CCNH: variants seen among roughly 807,000 people sequenced by gnomAD.
CCNH encodes the protein cyclin H.
In CCNH, 31 loss-of-function variants were observed where a neutral mutation model predicts 41.9. That is an observed-to-expected ratio of 0.74 (90% CI 0.56 to 1.00). CCNH has a LOEUF of 1.00. CCNH is among the 50% of genes least tolerant of loss of function. CCNH has a pLI of 0.00. For missense variants in CCNH, 362 were observed against 388.4 expected (o/e 0.93, Z 0.57); for synonymous variants, 138 against 136.1 (o/e 1.01, Z -0.10).
At chr5:87,331,003 C>T (rs923919154) in intron 9 of CCNH, 42 of 1,395,286 alleles carry the variant, frequency 3.0e-5, no homozygotes, top group Admixed American at 2.9e-5. Flanking sequence ...TAATCATTTC[C>T]ATTTGTCTAT....
Position 87,404,833 on chromosome 5 carries a change from C to A in CCNH, c.689+11G>T. On this transcript the variant is annotated intron_variant, in intron 5 of 8. Transcript: ENST00000256897. ...ACTGAATTTGACCTAAGTTAAAAAA[C>A]TAATTAATACCTTTCCATAGTAATT... 2 of 1,575,778 alleles carry A rather than the reference C, an allele frequency of 1.3e-6. No homozygotes were observed. The highest frequency in any genetic ancestry group is 3.8e-5 in the Admixed American group (2 of 52,236).
chr5:87,403,829 T>TA (rs1763595149), intron 5 of CCNH, among the ~76,000 whole-genome samples: 1 of 152,168 alleles, frequency 6.6e-6, no homozygotes, highest in African/African-American at 2.4e-5. Context: ...GTCCACATCT[T>TA]AACTCCATAT....
downstream of CCNH, chr5:87,392,491 C>G (rs1762595982): frequency 2.6e-6 from 1 of 378,192 alleles, no homozygotes; most frequent in Non-Finnish European, 5.2e-6. Context: ...CTTTCCACCC[C>G]TTCTGTTTTT....
At chr5:87,312,900 T>G in the CCNH span, among the ~76,000 whole-genome samples, 138 of 152,320 alleles carry the variant, frequency 9.1e-4, no homozygotes, top group African/African-American at 3.0e-3. Flanking sequence ...AAAAAATACT[T>G]GAATACTTGG....
intron 8 of CCNH, chr5:87,394,720 T>C: frequency 1.5e-6 from 2 of 1,336,074 alleles, no homozygotes; most frequent in Non-Finnish European, 1.9e-6. Flanking sequence ...TTCACTTATT[T>C]GACTTGACAG....
chr5:87,345,664 A>C (rs1211635565), intron 9 of CCNH, among the ~76,000 whole-genome samples: 1 of 152,184 alleles, frequency 6.6e-6, no homozygotes, highest in Non-Finnish European at 1.5e-5. Context: ...TTAAAAATTC[A>C]GTTATATTTT....
intron 9 of CCNH, among the ~76,000 whole-genome samples, chr5:87,357,878 C>A (rs1466614024): frequency 6.6e-6 from 1 of 152,072 alleles, no homozygotes; most frequent in East Asian, 1.9e-4. Context: ...TTGAATACTT[C>A]AGAAATAATT....
chr5:87,338,534 A>ATATATATATATATATATATAT (rs1561292504), intron 9 of CCNH, among the ~76,000 whole-genome samples: 13 of 46,106 alleles, frequency 2.8e-4, no homozygotes, highest in East Asian at 7.7e-4. Flanking sequence ...TATATATATA[A>ATATATATATATATATATATAT]AATTTTTTTT....
intron 9 of CCNH, among the ~76,000 whole-genome samples, chr5:87,332,106 T>G (rs1757651304): frequency 6.6e-6 from 1 of 152,148 alleles, no homozygotes; most frequent in Non-Finnish European, 1.5e-5. Context: ...TGATACCACA[T>G]GTAGTATGTG....
intron 1 of CCNH, 57 bp downstream of exon 1, chr5:87,412,621 C>A (rs1764344965): frequency 1.3e-6 from 2 of 1,596,702 alleles, no homozygotes. Flanking sequence ...GAAGAGCTCC[C>A]GCAGCTGCTC....
downstream of CCNH, chr5:87,392,116 A>G (rs184141626): frequency 1.3e-4 from 49 of 378,524 alleles, no homozygotes; most frequent in East Asian, 2.4e-3. Flanking sequence ...TGTGCAGGGC[A>G]GATAGATAGG....
At chr5:87,379,921 G>A (rs915557025), upstream of CCNH, 13 of 1,456,992 alleles carry the variant, frequency 8.9e-6, no homozygotes, top group African/African-American at 2.8e-5. Context: ...TTTCTAAAAC[G>A]TGAAAGCTTT....
At chr5:87,344,719 A>G (rs1414600139) in intron 9 of CCNH, among the ~76,000 whole-genome samples, 1 of 133,502 alleles carries the variant, frequency 7.5e-6, no homozygotes, top group Non-Finnish European at 1.5e-5. Context: ...AGGTCTTACT[A>G]TGCTGCCCAG....
At chr5:87,392,343 G>A, downstream of CCNH, 1 of 455,906 alleles carries the variant, frequency 2.2e-6, no homozygotes, top group African/African-American at 2.0e-5. Context: ...TTTCTATGGG[G>A]GCTGCTAACC....
intron 9 of CCNH, among the ~76,000 whole-genome samples, chr5:87,321,663 G>A (rs1320290099): frequency 1.3e-5 from 2 of 152,268 alleles, no homozygotes; most frequent in African/African-American, 4.8e-5. Flanking sequence ...GGTCCCAAAT[G>A]TAGGAGCCTC....
chr5:87,373,656 A>G (rs1328980056), downstream of CCNH, among the ~76,000 whole-genome samples: 1 of 152,174 alleles, frequency 6.6e-6, no homozygotes, highest in Non-Finnish European at 1.5e-5. Flanking sequence ...CAAACTAACA[A>G]ATAACTTAGT....
Position 87,410,007 on chromosome 5 carries a change from A to G in CCNH, c.241-644T>C, listed in dbSNP as rs915934531. 2.6e-5 allele frequency among the ~76,000 whole-genome samples: 4 copies of G among 152,218 alleles called. No homozygotes were observed. In the South Asian group the frequency reaches 6.2e-4, roughly 24 times the overall value. ...CTACAGAGAAGGAAACTGAGTATCA[A>G]TGAGGTTAACTGACTTATCTAGGTC... is the stretch of plus-strand genomic sequence containing the variant. On this transcript the variant is annotated intron_variant, in intron 2 of 8. Transcript: ENST00000256897.
intron 9 of CCNH, among the ~76,000 whole-genome samples, chr5:87,366,009 G>A (rs957465328): frequency 2.6e-5 from 4 of 152,128 alleles, no homozygotes; most frequent in African/African-American, 4.8e-5. Context: ...AATACCTACT[G>A]TTGGATGCTG....
At chr5:87,329,495 C>T (rs1757460046) in intron 9 of CCNH, among the ~76,000 whole-genome samples, 1 of 151,942 alleles carries the variant, frequency 6.6e-6, no homozygotes, top group Non-Finnish European at 1.5e-5. Context: ...ATATATATTA[C>T]TTAAAATCAT....
Sources: allele counts gnomAD v4.1 joint callset (sites outside exome capture counted in the v4.1 genomes callset), GRCh38; gene constraint gnomAD v4.1.1; transcripts MANE v1.5; gene names NCBI Gene and HGNC (gene_info 2026-07-23, HGNC 2026-07-21).